RIBC2: variants seen among roughly 807,000 people sequenced by gnomAD.
RIBC2 encodes RIB43A-like with coiled-coils protein 2.
RIBC2 carries 40 observed loss-of-function variants against 44.3 expected under a neutral mutation model. The ratio of observed to expected loss-of-function variants is 0.90; its 90% CI spans 0.70 to 1.18. The LOEUF is 1.18. RIBC2 is among the 50% of genes most tolerant of loss of function. RIBC2 has a pLI of 0.00. For missense variants in RIBC2, 459 were observed against 485.5 expected (o/e 0.95, Z 0.51); for synonymous variants, 171 against 175.0 (o/e 0.98, Z 0.18).
At chr22:45,422,614 G>A (rs1210596888) in intron 4 of RIBC2, 2 of 564,218 alleles carry the variant, frequency 3.5e-6, no homozygotes, top group Non-Finnish European at 6.4e-6. Flanking sequence ...AATCTTGGAG[G>A]GAAACCTGCC....
intron 5 of RIBC2, among the ~76,000 whole-genome samples, chr22:45,429,390 G>A (rs1321781815): frequency 6.6e-6 from 1 of 152,182 alleles, no homozygotes; most frequent in East Asian, 1.9e-4. Flanking sequence ...TGAGAATCCT[G>A]GCAGGAGAGA....
intron 4 of RIBC2, among the ~76,000 whole-genome samples, chr22:45,425,647 C>T (rs1365699287): frequency 2.0e-5 from 3 of 152,174 alleles, no homozygotes; most frequent in Non-Finnish European, 4.4e-5. Flanking sequence ...CGCGGGGTGT[C>T]GGCCTAATCC....
intron 4 of RIBC2, among the ~76,000 whole-genome samples, chr22:45,423,585 C>A (rs571758366): frequency 6.6e-6 from 1 of 152,250 alleles, no homozygotes; most frequent in African/African-American, 2.4e-5. Context: ...ATTGGAGATA[C>A]AAGCTCAAAA....
intron 5 of RIBC2, among the ~76,000 whole-genome samples, chr22:45,429,296 C>T (rs958933216): frequency 2.6e-5 from 4 of 152,026 alleles, no homozygotes; most frequent in South Asian, 2.1e-4. Flanking sequence ...GAAGGTGAAG[C>T]CGGGACTAGA....
intron 6 of RIBC2, 73 bp from the exon 7 acceptor site, chr22:45,432,211 C>CAAA: frequency 3.3e-5 from 22 of 657,770 alleles, no homozygotes; most frequent in Admixed American, 1.0e-4. Flanking sequence ...TGTGCCTTTT[C>CAAA]AAAAAAAAAA....
At chr22:45,428,680 T>C (rs1262455152) in intron 5 of RIBC2, among the ~76,000 whole-genome samples, 1 of 152,112 alleles carries the variant, frequency 6.6e-6, no homozygotes, top group African/African-American at 2.4e-5. Flanking sequence ...TTCTACCTTT[T>C]AGAAGTAGAA....
At chr22:45,424,166 C>G (rs2087511937) in intron 4 of RIBC2, among the ~76,000 whole-genome samples, 1 of 152,228 alleles carries the variant, frequency 6.6e-6, no homozygotes, top group African/African-American at 2.4e-5. Flanking sequence ...TGCAAACACT[C>G]CTGCACTGGG....
intron 3 of RIBC2, among the ~76,000 whole-genome samples, chr22:45,421,817 A>T (rs967272204): frequency 3.3e-5 from 5 of 151,502 alleles, no homozygotes; most frequent in African/African-American, 1.2e-4. Flanking sequence ...TCTCTTACTC[A>T]TTGGCCTGAC....
At chr22:45,418,416 G>A (rs559690298) in intron 3 of RIBC2, among the ~76,000 whole-genome samples, 1 of 152,102 alleles carries the variant, frequency 6.6e-6, no homozygotes, top group Non-Finnish European at 1.5e-5. Flanking sequence ...CAAGCCCAGG[G>A]AACCTCTTGG....
chr22:45,431,024 T>C lies in RIBC2; in HGVS notation c.1028T>C (p.Leu343Pro). 2 of 1,586,924 alleles carry C rather than the reference T, an allele frequency of 1.3e-6. No individual in the cohort carries two copies. The highest frequency in any genetic ancestry group is 1.7e-6 in the Non-Finnish European group (2 of 1,167,160). Residue 343 changes from leucine to proline, a missense_variant, in exon 6 of 7, where the codon CTG becomes CCG. Physicochemically the swap from Leu to Pro is moderately conservative, Grantham distance 98. Coordinates refer to ENST00000614167, the MANE Select transcript of RIBC2 (RefSeq NM_015653.5). ...CGGCAGCGCGACCTGCGCAGAGCTC[T>C]GGACAGCAGCAACCTCAGCCTGGCC... ...WRRQRDLRRA[L>P]DSSNLSLAKE...
intron 6 of RIBC2, among the ~76,000 whole-genome samples, chr22:45,431,739 G>A (rs925554759): frequency 7.9e-5 from 12 of 152,198 alleles, no homozygotes; most frequent in African/African-American, 2.7e-4. Context: ...GGAGGCTGAG[G>A]CGGGCGGATT....
intron 5 of RIBC2, among the ~76,000 whole-genome samples, chr22:45,428,663 C>A (rs1485069951): frequency 6.6e-6 from 1 of 152,036 alleles, no homozygotes; most frequent in Non-Finnish European, 1.5e-5. Context: ...CTGAAGTGAC[C>A]GTCATTTTCT....
intron 2 of RIBC2, among the ~76,000 whole-genome samples, chr22:45,416,085 A>T (rs991888013): frequency 1.3e-5 from 2 of 152,188 alleles, no homozygotes; most frequent in African/African-American, 4.8e-5. Flanking sequence ...AATTTATGTA[A>T]ATGGTATCCT....
rs189941896 is a variant in RIBC2, at chr22:45,418,470, G to T, written c.556+524G>T. ...GAAACAGCCTCTCATTGAGGGAACT[G>T]CAGAAAGCCCCATGTGTCCTCACTG... On this transcript the variant is annotated intron_variant, in intron 3 of 6. Coordinates refer to ENST00000614167, the MANE Select transcript of RIBC2 (RefSeq NM_015653.5). Among the ~76,000 whole-genome samples the T allele has an allele frequency of 2.1e-4, 32 of 152,272 alleles. 1 individual carries two copies. The highest frequency in any genetic ancestry group is 7.7e-4 in the African/African-American group (32 of 41,568).
intron 4 of RIBC2, among the ~76,000 whole-genome samples, chr22:45,424,912 C>A (rs934465907): frequency 6.6e-6 from 1 of 151,912 alleles, no homozygotes; most frequent in African/African-American, 2.4e-5. Flanking sequence ...TCTACCACCA[C>A]GCCCAGCTAA....
At chr22:45,424,626 G>A (rs1165224961) in intron 4 of RIBC2, among the ~76,000 whole-genome samples, 2 of 152,220 alleles carry the variant, frequency 1.3e-5, no homozygotes, top group Admixed American at 6.5e-5. Context: ...TCACTTTGGA[G>A]CCCAGGTCCT....
chr22:45,423,778 A>G (rs2087508242), intron 4 of RIBC2, among the ~76,000 whole-genome samples: 1 of 152,210 alleles, frequency 6.6e-6, no homozygotes, highest in South Asian at 2.1e-4. Context: ...CAAAGGTCTT[A>G]GAGATCATCC....
At chr22:45,418,035 GT>G (rs370540282) in intron 3 of RIBC2, 89 bp downstream of exon 3, 6,290 of 438,368 alleles carry the variant, frequency 0.014, 14 homozygotes, top group East Asian at 0.023. Flanking sequence ...CAACCCTACA[GT>G]TTTTTTTTTT....
At chr22:45,420,111 T>C (rs555341168) in intron 3 of RIBC2, among the ~76,000 whole-genome samples, 22 of 152,260 alleles carry the variant, frequency 1.4e-4, no homozygotes, top group African/African-American at 4.3e-4. Flanking sequence ...GAGTAAACGA[T>C]TTTTTTCAGA....
Sources: gnomAD v4.1 joint callset for allele counts (sites outside exome capture counted in the v4.1 genomes callset) on GRCh38, gnomAD v4.1.1 for gene constraint, MANE v1.5 for transcripts, NCBI Gene and HGNC (gene_info 2026-07-23, HGNC 2026-07-21) for gene names.